Variants in MAN2A1 observed in about 807,000 individuals in gnomAD.
The protein encoded by MAN2A1 is mannosidase alpha class 2A member 1, also known as alpha-mannosidase 2.
Under a neutral mutation model 142.6 loss-of-function variants are expected in MAN2A1, and 76 were observed. That is an observed-to-expected ratio of 0.53 (90% CI 0.44 to 0.65). The LOEUF (loss-of-function observed/expected upper bound fraction) is 0.65, where lower values mean the gene tolerates loss of function less well. MAN2A1 is among the 30% of genes least tolerant of loss of function. The pLI, the probability that MAN2A1 is intolerant of heterozygous loss-of-function variation, is 0.00. For missense variants in MAN2A1, 1,311 were observed against 1,365.1 expected (o/e 0.96, Z 0.62); for synonymous variants, 559 against 473.2 (o/e 1.18, Z -2.35).
At chr5:109,843,221 C>T (rs1340596056) in intron 17 of MAN2A1, among the ~76,000 whole-genome samples, 2 of 152,282 alleles carry the variant, frequency 1.3e-5, no homozygotes, top group Admixed American at 6.5e-5. Flanking sequence ...GGGGTAGCCT[C>T]AGGAAACTTA....
intron 6 of MAN2A1, 69 bp downstream of exon 6, chr5:109,767,777 T>C (rs1290486375): frequency 7.6e-7 from 1 of 1,320,334 alleles, no homozygotes; most frequent in African/African-American, 1.4e-5. Flanking sequence ...TATGAACTCA[T>C]GCCACTGTGG....
intron 1 of MAN2A1, among the ~76,000 whole-genome samples, chr5:109,702,576 T>C (rs1205137101): frequency 6.6e-6 from 1 of 152,188 alleles, no homozygotes; most frequent in African/African-American, 2.4e-5. Flanking sequence ...AAGTAAAAAC[T>C]GTCTTTGACC....
chr5:109,768,970 T>C (rs539687807), intron 6 of MAN2A1, among the ~76,000 whole-genome samples: 6 of 152,346 alleles, frequency 3.9e-5, no homozygotes, highest in African/African-American at 1.4e-4. Flanking sequence ...TCCTTGCTTA[T>C]AGGGAAATTC....
intron 1 of MAN2A1, among the ~76,000 whole-genome samples, chr5:109,693,940 A>G (rs1750742666): frequency 1.3e-5 from 2 of 152,216 alleles, no homozygotes; most frequent in African/African-American, 4.8e-5. Context: ...GCTTTATGAT[A>G]ACTTGGAAGA....
At chr5:109,699,502 T>C (rs1279769230) in intron 1 of MAN2A1, 1 of 152,234 alleles carries the variant, frequency 6.6e-6, no homozygotes, top group Non-Finnish European at 1.5e-5. Flanking sequence ...AAATAAGTGA[T>C]GTAATGCATA....
chr5:109,738,988 G>A (rs972481615), intron 4 of MAN2A1, among the ~76,000 whole-genome samples: 2 of 151,870 alleles, frequency 1.3e-5, no homozygotes, highest in South Asian at 2.1e-4. Flanking sequence ...GACTACAGGC[G>A]CACACCACCA....
At chr5:109,843,872 G>A (rs1488738170) in intron 17 of MAN2A1, among the ~76,000 whole-genome samples, 1 of 152,080 alleles carries the variant, frequency 6.6e-6, no homozygotes, top group Non-Finnish European at 1.5e-5. Flanking sequence ...AAGTGTTTTA[G>A]AAATTTCTGG....
chr5:109,749,277 G>A (rs990890851), intron 4 of MAN2A1, among the ~76,000 whole-genome samples: 6 of 152,042 alleles, frequency 3.9e-5, no homozygotes, highest in Non-Finnish European at 7.4e-5. Context: ...TCTACATAGG[G>A]GAAAAAGTGA....
chr5:109,706,530 T>C (rs1004878067), intron 1 of MAN2A1, among the ~76,000 whole-genome samples: 4 of 152,196 alleles, frequency 2.6e-5, no homozygotes, highest in African/African-American at 9.7e-5. Flanking sequence ...ACATGGCCAA[T>C]AAGTGCGGAA....
In MAN2A1 at chr5:109,770,471, C is replaced by T; in HGVS notation, c.1126C>T (p.Pro376Ser). Residue 376 changes from proline to serine, a missense_variant, in exon 7 of 22, where the codon CCT (proline) becomes TCT (serine). Coordinates refer to ENST00000261483, the MANE Select transcript of MAN2A1 (RefSeq NM_002372.4). The stretch of plus-strand genomic sequence containing the variant: ...CTGCCAGTTTGATTTTAAACGTCTT[C>T]CTGGAGGCAGATTTGGTTGTCCCTG... Reference protein sequence around the residue: ...ICCQFDFKRLPGGRFGCPWGV... With the variant: ...ICCQFDFKRLSGGRFGCPWGV... The T allele has an allele frequency of 6.2e-7, 1 of 1,614,012 alleles. No homozygotes were observed. The highest frequency in any genetic ancestry group is 8.5e-7 in the Non-Finnish European group (1 of 1,179,936).
intron 4 of MAN2A1, among the ~76,000 whole-genome samples, chr5:109,731,190 A>C (rs1333605610): frequency 6.6e-6 from 1 of 151,944 alleles, no homozygotes; most frequent in African/African-American, 2.4e-5. Context: ...TGTCACCTCA[A>C]ACATTTATCA....
intron 6 of MAN2A1, 51 bp from the exon 7 acceptor site, chr5:109,770,304 G>T: frequency 6.6e-7 from 1 of 1,515,944 alleles, no homozygotes; most frequent in Non-Finnish European, 9.1e-7. Context: ...AATATTTTTT[G>T]GGAAAACAGA....
At chr5:109,744,019 A>T (rs920904742) in intron 4 of MAN2A1, among the ~76,000 whole-genome samples, 1 of 152,080 alleles carries the variant, frequency 6.6e-6, no homozygotes, top group Non-Finnish European at 1.5e-5. Flanking sequence ...GCCTGTGTTC[A>T]GCTTGGATTT....
chr5:109,690,354 A>G lies in MAN2A1; in HGVS notation c.-64A>G. On this transcript the variant is annotated 5_prime_UTR_variant, in exon 1 of 22. Coordinates refer to ENST00000261483, the MANE Select transcript of MAN2A1 (RefSeq NM_002372.4). Reference sequence around the variant, plus strand: ...GGAGCCTCCGGCGGCTGCTTCCTAGAGTCCACAGTGCGCTGTCTCCTTTGG... The same window carrying G: ...GGAGCCTCCGGCGGCTGCTTCCTAGGGTCCACAGTGCGCTGTCTCCTTTGG... 6.3e-7 allele frequency: 1 copy of G among 1,585,876 alleles called. No individual in the cohort carries two copies. The highest frequency in any genetic ancestry group is 8.7e-7 in the Non-Finnish European group (1 of 1,154,808).
At chr5:109,713,804 G>A in intron 2 of MAN2A1, 30 bp downstream of exon 2, 1 of 1,490,708 alleles carries the variant, frequency 6.7e-7, no homozygotes, top group Non-Finnish European at 9.0e-7. Context: ...ATAATCACTG[G>A]CCTTTTTTTT....
At chr5:109,723,812 G>C (rs1166444167) in intron 3 of MAN2A1, among the ~76,000 whole-genome samples, 1 of 152,008 alleles carries the variant, frequency 6.6e-6, no homozygotes, top group Non-Finnish European at 1.5e-5. Flanking sequence ...CCCTCTATTT[G>C]GAACTACCAC....
chr5:109,784,922 A>T lies in MAN2A1; in HGVS notation c.1756A>T (p.Thr586Ser), dbSNP rs776796694. ...AGACTGGGTGGTTGTGGATTATGGT[A>T]CCAGGTAATCTAATTATAGAAAAAT... ...AKDWVVVDYGTRLFHSLMVLE... is the reference protein window; with the variant it reads ...AKDWVVVDYGSRLFHSLMVLE... Residue 586 changes from threonine (T) to serine (S), a missense_variant, in exon 10 of 22, where the codon ACC (threonine) becomes TCC (serine). Physicochemically the swap from Thr to Ser is moderately conservative, Grantham distance 58. Coordinates refer to ENST00000261483, the MANE Select transcript of MAN2A1 (RefSeq NM_002372.4). The T allele has an allele frequency of 2.5e-5, 39 of 1,577,494 alleles. No homozygotes were observed. Among genetic ancestry groups the T allele is most frequent in the Non-Finnish European group, 3.1e-5 (36 of 1,167,020 alleles).
intron 13 of MAN2A1, among the ~76,000 whole-genome samples, chr5:109,819,128 A>G (rs1754551795): frequency 6.6e-6 from 1 of 152,234 alleles, no homozygotes; most frequent in Non-Finnish European, 1.5e-5. Flanking sequence ...ATAGTATATA[A>G]TAAATTACAT....
At chr5:109,855,400 G>A in intron 20 of MAN2A1, 66 bp downstream of exon 20, 1 of 1,028,082 alleles carries the variant, frequency 9.7e-7, no homozygotes, top group Non-Finnish European at 1.3e-6. Context: ...AGGGGGTAAG[G>A]AAAGGAGAAA....
Sources: gnomAD v4.1 joint callset for allele counts (sites outside exome capture counted in the v4.1 genomes callset) on GRCh38, gnomAD v4.1.1 for gene constraint, MANE v1.5 for transcripts, NCBI Gene and HGNC (gene_info 2026-07-23, HGNC 2026-07-21) for gene names.